ZNF469: variants seen among roughly 807,000 people sequenced by gnomAD.
ZNF469 encodes zinc finger protein 469.
In ZNF469, 1 loss-of-function variant was observed where a neutral mutation model predicts 1.0. The observed-to-expected ratio is 1.00, with a 90% confidence interval of 0.35 to 4.73. ZNF469 has a LOEUF of 4.73. Among genes scored for constraint, ZNF469 ranks in the 30% most tolerant of loss-of-function variants. The pLI, the probability that ZNF469 is intolerant of heterozygous loss-of-function variation, is 0.16. For missense variants in ZNF469, 6,100 were observed against 5,356.3 expected (o/e 1.14, Z -4.33); for synonymous variants, 2,703 against 2,363.4 (o/e 1.14, Z -4.17).
chr16:88,399,556 G>C lies in ZNF469; in HGVS notation c.-192+16302G>C, dbSNP rs561154705. 1.8e-3 allele frequency among the ~76,000 whole-genome samples: 275 copies of C among 152,324 alleles called. 1 individual carries two copies. The highest frequency in any genetic ancestry group is 5.9e-3 in the African/African-American group (245 of 41,562). ...CAGAGCCACCTTCATGGGAGGGCCA[G>C]GCTGGAGCAGGGACAACCTTGTCAC... On this transcript the variant is annotated intron_variant, in intron 1 of 2. Transcript: ENST00000565624.
At chr16:88,273,891 G>A in the ZNF469 span, among the ~76,000 whole-genome samples, 41,633 of 149,324 alleles carry the variant, frequency 0.28, 6,587 homozygotes, top group East Asian at 0.36. Context: ...TGCAAGCTCC[G>A]CCTCCCGGGT....
At chr16:88,258,667 G>A in the ZNF469 span, among the ~76,000 whole-genome samples, 20 of 152,288 alleles carry the variant, frequency 1.3e-4, no homozygotes, top group Admixed American at 3.3e-4. Flanking sequence ...GAGCGTTTGG[G>A]TGAGGGTGAC....
At chr16:88,102,710 C>T in the ZNF469 span, among the ~76,000 whole-genome samples, 16 of 152,320 alleles carry the variant, frequency 1.1e-4, no homozygotes, top group Admixed American at 2.6e-4. Context: ...TCTTTGCAGA[C>T]GCCGTACTTG....
chr16:88,435,823 T>A lies in ZNF469; in HGVS notation c.8353T>A (p.Ser2785Thr). The A allele has an allele frequency of 1.3e-6, 2 of 1,550,500 alleles. No individual in the cohort carries two copies. Among genetic ancestry groups the A allele is most frequent in the Non-Finnish European group, 1.7e-6 (2 of 1,146,928 alleles). Residue 2785 changes from serine (S) to threonine (T), a missense_variant, in exon 3 of 3, where the codon TCA becomes ACA. By Grantham distance (58) the Ser-to-Thr change is moderately conservative. Transcript: ENST00000565624. ...GGACAGCAGCAGGGCCCACAGCCGA[T>A]CAGAGGAAGGTGTCTGGGAGGAGAA... ...AEDSSRAHSR[S>T]EEGVWEENTP...
In ZNF469 at chr16:88,430,043, C is replaced by T. The variant is rs1906024397; in HGVS notation, c.2573C>T (p.Pro858Leu). The T allele has an allele frequency of 6.5e-7, 1 of 1,550,378 alleles. No homozygotes were observed. Among genetic ancestry groups the T allele is most frequent in the Non-Finnish European group, 8.7e-7 (1 of 1,146,974 alleles). The change falls in exon 3 of 3, where the codon CCG becomes CTG. Residue 858 changes from proline to leucine, a missense_variant. Coordinates refer to ENST00000565624, the MANE Select transcript of ZNF469 (RefSeq NM_001367624.2). The part of the protein sequence containing the change: ...LNGMEYQSDN[P>L]EIDSSFIDVF... ...GGCATGGAGTACCAGTCGGACAACC[C>T]GGAGATCGACAGCAGCTTCATCGAC... is the stretch of plus-strand genomic sequence containing the variant.
At chr16:88,142,805 C>G in the ZNF469 span, among the ~76,000 whole-genome samples, 1 of 152,232 alleles carries the variant, frequency 6.6e-6, no homozygotes. Context: ...TGGGTCACAC[C>G]TGTGTGCTGG....
At chr16:88,420,880 C>T (rs1185953789) in intron 1 of ZNF469, among the ~76,000 whole-genome samples, 1 of 152,212 alleles carries the variant, frequency 6.6e-6, no homozygotes, top group African/African-American at 2.4e-5. Flanking sequence ...ATCTGAGAGT[C>T]AAGCCCAGGT....
chr16:88,328,040 C>T, the ZNF469 span, among the ~76,000 whole-genome samples: 85 of 152,238 alleles, frequency 5.6e-4, no homozygotes, highest in African/African-American at 1.9e-3. Flanking sequence ...TCCCGGCACA[C>T]ACGGCGACTC....
the ZNF469 span, among the ~76,000 whole-genome samples, chr16:88,329,063 G>C: frequency 6.6e-6 from 1 of 152,334 alleles, no homozygotes; most frequent in Admixed American, 6.5e-5. Context: ...TTTTATAAAA[G>C]TGCAAGTTCC....
the ZNF469 span, among the ~76,000 whole-genome samples, chr16:88,338,376 A>AC: frequency 2.0e-5 from 3 of 152,046 alleles, no homozygotes; most frequent in Admixed American, 6.5e-5. Flanking sequence ...CCTGCAGGCC[A>AC]CCCCCGGCTC....
chr16:88,184,104 C>A, the ZNF469 span, among the ~76,000 whole-genome samples: 1 of 152,002 alleles, frequency 6.6e-6, no homozygotes, highest in Non-Finnish European at 1.5e-5. Context: ...CCTGCCCGGG[C>A]TGGGATCTGC....
At chr16:88,221,431 G>A in the ZNF469 span, among the ~76,000 whole-genome samples, 2 of 152,198 alleles carry the variant, frequency 1.3e-5, no homozygotes, top group Non-Finnish European at 2.9e-5. Flanking sequence ...TCACATGCAG[G>A]CAGCTCCCCG....
chr16:88,257,978 C>T, the ZNF469 span, among the ~76,000 whole-genome samples: 8 of 152,192 alleles, frequency 5.3e-5, no homozygotes, highest in Admixed American at 2.0e-4. Flanking sequence ...TCCTCTGACC[C>T]GTGTGCCCAC....
In ZNF469 at chr16:88,434,072, C is replaced by G; in HGVS notation, c.6602C>G (p.Thr2201Arg). The G allele has an allele frequency of 6.4e-7, 1 of 1,550,400 alleles. No individual in the cohort carries two copies. Among genetic ancestry groups the G allele is most frequent in the Non-Finnish European group, 8.7e-7 (1 of 1,146,954 alleles). Residue 2201 changes from threonine to arginine, a missense_variant, in exon 3 of 3, where the codon ACA becomes AGA. By Grantham distance (71) the Thr-to-Arg change is moderately conservative (BLOSUM62 -1). Transcript: ENST00000565624. ...CCGGTGGCTCCCCCGTCTTTGACAA[C>G]AAGCCCCTGCGATCCCAAGGAAGCC... Reference protein sequence around the residue: ...DSPVAPPSLTTSPCDPKEALA... With the variant: ...DSPVAPPSLTRSPCDPKEALA...
At chr16:88,143,546 C>A in the ZNF469 span, among the ~76,000 whole-genome samples, 1 of 152,126 alleles carries the variant, frequency 6.6e-6, no homozygotes, top group Non-Finnish European at 1.5e-5. Flanking sequence ...TCCCCCCATG[C>A]GTGGCCCATG....
rs575091053 is a variant in ZNF469 at position 88,438,459 on chromosome 16, C to T, written c.10989C>T (p.Gly3663=). 5.2e-5 allele frequency: 81 copies of T among 1,550,140 alleles called. No homozygotes were observed. The African/African-American group carries it at 9.4e-4, about 18-fold the overall frequency. Residue 3663 remains glycine (G), a synonymous_variant, in exon 3 of 3, where the codon GGC becomes GGT. Coordinates refer to ENST00000565624, the MANE Select transcript of ZNF469 (RefSeq NM_001367624.2). The part of the protein sequence containing the change: ...SHMVSEGGPR[G]AFHKGSATKP... ...TGGTGTCTGAGGGGGGGCCCCGAGG[C>T]GCCTTCCACAAGGGCAGCGCCACCA...
At chr16:88,296,296 G>A in the ZNF469 span, among the ~76,000 whole-genome samples, 4 of 152,214 alleles carry the variant, frequency 2.6e-5, no homozygotes, top group African/African-American at 9.6e-5. Flanking sequence ...GGCAAGGTGG[G>A]CGGAACATGA....
At chr16:88,139,396 T>C in the ZNF469 span, among the ~76,000 whole-genome samples, 2 of 128,450 alleles carry the variant, frequency 1.6e-5, no homozygotes, top group Non-Finnish European at 3.3e-5. Context: ...TTTTTGCCCC[T>C]TGGCCTGGGG....
At chr16:88,122,948 T>TCCTGCCTCTG in the ZNF469 span, among the ~76,000 whole-genome samples, 1 of 151,628 alleles carries the variant, frequency 6.6e-6, no homozygotes. Flanking sequence ...GTTCAAGTGA[T>TCCTGCCTCTG]CCTCCAGAAT....
Sources: allele counts gnomAD v4.1 joint callset (sites outside exome capture counted in the v4.1 genomes callset), GRCh38; gene constraint gnomAD v4.1.1; transcripts MANE v1.5; gene names NCBI Gene and HGNC (gene_info 2026-07-23, HGNC 2026-07-21).